Variants in CSMD1 observed in about 807,000 individuals in gnomAD.
The protein encoded by CSMD1 is CUB and sushi domain-containing protein 1.
Under a neutral mutation model 417.5 loss-of-function variants are expected in CSMD1, and 213 were observed. That is an observed-to-expected ratio of 0.51 (90% confidence interval 0.46 to 0.57). The LOEUF is 0.57. Ranked by LOEUF, CSMD1 falls within the 20% of genes least tolerant of loss-of-function variation. The probability of loss-of-function intolerance (pLI) is 0.00; values close to 1 mark genes in which losing one functional copy is unlikely to be tolerated. For synonymous variants in CSMD1, 2,862 were observed against 1,736.8 expected, an observed-to-expected ratio of 1.65 and a Z score of -16.11; for missense variants, 6,923 against 4,529.7, an observed-to-expected ratio of 1.53 and a Z score of -15.17.
intron 2 of CSMD1, among the ~76,000 whole-genome samples, chr8:4,455,873 G>T (rs1425654314): frequency 8.4e-6 from 1 of 119,340 alleles, no homozygotes; most frequent in Non-Finnish European, 1.6e-5. Context: ...AGGTTGCAGT[G>T]AGCCAAGATC....
intron 3 of CSMD1, among the ~76,000 whole-genome samples, chr8:4,245,714 T>C (rs541501564): frequency 1.8e-4 from 28 of 152,226 alleles, no homozygotes; most frequent in African/African-American, 6.5e-4. Flanking sequence ...TTTTTTCAAG[T>C]GCTCTAAGAT....
chr8:3,472,581 T>C (rs1267083016), intron 11 of CSMD1, among the ~76,000 whole-genome samples: 2 of 142,186 alleles, frequency 1.4e-5, no homozygotes, highest in African/African-American at 2.7e-5. Flanking sequence ...TGCTGATTTA[T>C]ACTGACATAT....
At chr8:4,238,185 A>G (rs929603780) in intron 3 of CSMD1, among the ~76,000 whole-genome samples, 1 of 152,196 alleles carries the variant, frequency 6.6e-6, no homozygotes, top group African/African-American at 2.4e-5. Flanking sequence ...TAGAATGCCA[A>G]GTACGTCGAT....
chr8:3,405,878 G>T, intron 15 of CSMD1, 149 bp downstream of exon 15: 1 of 660,032 alleles, frequency 1.5e-6, no homozygotes, highest in Non-Finnish European at 2.4e-6. Flanking sequence ...AGAACTGGGA[G>T]ACTGTACACT....
chr8:4,457,928 G>A (rs1190301498), intron 2 of CSMD1, among the ~76,000 whole-genome samples: 4 of 152,144 alleles, frequency 2.6e-5, no homozygotes, highest in Non-Finnish European at 5.9e-5. Context: ...ATGGGGCAGA[G>A]TCTATGTATG....
intron 46 of CSMD1, 68 bp from the exon 47 acceptor site, chr8:3,097,105 T>C (rs1455071811): frequency 8.0e-7 from 1 of 1,246,490 alleles, no homozygotes; most frequent in Non-Finnish European, 1.1e-6. Context: ...GGATAGTTTC[T>C]ATCCCTGTAT....
chr8:3,738,977 A>C (rs1307920355), intron 6 of CSMD1, among the ~76,000 whole-genome samples: 1 of 152,228 alleles, frequency 6.6e-6, no homozygotes, highest in Non-Finnish European at 1.5e-5. Context: ...TTCAAACTTT[A>C]GACATGATCT....
chr8:3,754,142 C>T (rs1659204795), intron 5 of CSMD1, 100 bp from the exon 6 acceptor site: 1 of 670,840 alleles, frequency 1.5e-6, no homozygotes, highest in South Asian at 1.8e-5. Context: ...AATCCTTCAT[C>T]TTGAGATGCT....
At chr8:3,749,558 T>C (rs1757760186) in intron 6 of CSMD1, among the ~76,000 whole-genome samples, 2 of 152,160 alleles carry the variant, frequency 1.3e-5, no homozygotes, top group Admixed American at 6.5e-5. Flanking sequence ...TATTTTATGT[T>C]GGTTGTCATT....
At chr8:4,476,850 G>C (rs192897987) in intron 2 of CSMD1, among the ~76,000 whole-genome samples, 39 of 152,246 alleles carry the variant, frequency 2.6e-4, no homozygotes, top group Admixed American at 2.4e-3. Context: ...TACGAAAAAA[G>C]CTTCAGTCAA....
chr8:3,749,099 T>C (rs992212308), intron 6 of CSMD1, among the ~76,000 whole-genome samples: 2 of 152,178 alleles, frequency 1.3e-5, no homozygotes, highest in African/African-American at 4.8e-5. Flanking sequence ...TGGTTCAAGA[T>C]TAATATATTT....
At chr8:3,183,156 C>G (rs1409719430) in intron 36 of CSMD1, 1 of 148,286 alleles carries the variant, frequency 6.7e-6, no homozygotes, top group Non-Finnish European at 1.5e-5. Flanking sequence ...TCTATCTATC[C>G]CTGAAACATC....
chr8:4,037,131 T>G (rs1026694725), intron 3 of CSMD1, among the ~76,000 whole-genome samples: 11 of 152,232 alleles, frequency 7.2e-5, no homozygotes, highest in African/African-American at 2.7e-4. Flanking sequence ...TTATTAATCT[T>G]TCTTAAGTGA....
rs528372360 is a variant in CSMD1 at position 4,009,623 on chromosome 8, A to C, written c.611-11513T>G. 1.5e-3 allele frequency among the ~76,000 whole-genome samples: 232 copies of C among 152,306 alleles called. 1 individual carries two copies. The highest frequency in any genetic ancestry group is 2.7e-3 in the Admixed American group (41 of 15,304). ...ACAATTGCATGGGGAAATATCCAGG[A>C]AAGAAATAAGAAATACACCCACATA... On this transcript the variant is annotated intron_variant, in intron 4 of 69. Coordinates refer to ENST00000635120, the MANE Select transcript of CSMD1 (RefSeq NM_033225.6).
chr8:4,597,441 G>A (rs1435447673), intron 2 of CSMD1, among the ~76,000 whole-genome samples: 4 of 152,070 alleles, frequency 2.6e-5, no homozygotes, highest in South Asian at 4.1e-4. Flanking sequence ...TGGTCCTCTT[G>A]TAAACGAATG....
intron 41 of CSMD1, among the ~76,000 whole-genome samples, chr8:3,120,741 G>GGAGGCTGAGGCAGAA (rs1817157262): frequency 6.6e-6 from 1 of 151,998 alleles, no homozygotes; most frequent in African/African-American, 2.4e-5. Flanking sequence ...CAGCTACTTG[G>GGAGGCTGAGGCAGAA]GAGGCTGAGG....
At chr8:3,299,468 C>T (rs62504385) in intron 25 of CSMD1, among the ~76,000 whole-genome samples, 2 of 151,852 alleles carry the variant, frequency 1.3e-5, no homozygotes, top group Admixed American at 6.6e-5. Flanking sequence ...AAAAGGAATG[C>T]AATGTGGTAT....
chr8:3,320,651 T>A (rs1049148677), intron 23 of CSMD1, among the ~76,000 whole-genome samples: 1 of 152,160 alleles, frequency 6.6e-6, no homozygotes, highest in Non-Finnish European at 1.5e-5. Flanking sequence ...CACCGCTGCA[T>A]TGGGACGCAA....
chr8:3,751,429 C>T lies in CSMD1; in HGVS notation c.931+2501G>A, dbSNP rs566874614. 5.4e-5 allele frequency among the ~76,000 whole-genome samples: 8 copies of T among 147,260 alleles called. 1 individual carries two copies. The South Asian group carries it at 1.5e-3, about 27-fold the overall frequency. Reference sequence around the variant, plus strand: ...CAATAAATTTAATTAAATATAACTACATACAGTTTATACATATAAATGTTT... The same window carrying T: ...CAATAAATTTAATTAAATATAACTATATACAGTTTATACATATAAATGTTT... On this transcript the variant is annotated intron_variant, in intron 6 of 69. Transcript: ENST00000635120.
Sources: allele counts gnomAD v4.1 joint callset (sites outside exome capture counted in the v4.1 genomes callset), GRCh38; gene constraint gnomAD v4.1.1; transcripts MANE v1.5; gene names NCBI Gene and HGNC (gene_info 2026-07-23, HGNC 2026-07-21).